HSDL2: variants seen among roughly 807,000 people sequenced by gnomAD.
HSDL2 encodes the protein hydroxysteroid dehydrogenase-like protein 2.
In HSDL2, 27 loss-of-function variants were observed where a neutral mutation model predicts 46.3. The observed-to-expected ratio is 0.58, with a 90% confidence interval of 0.43 to 0.80. The LOEUF (loss-of-function observed/expected upper bound fraction) is 0.80, where lower values mean the gene tolerates loss of function less well. Among genes scored for constraint, HSDL2 ranks in the 30% least tolerant of loss-of-function variants. The probability of loss-of-function intolerance (pLI) is 0.00; values close to 1 mark genes in which losing one functional copy is unlikely to be tolerated. For missense variants in HSDL2, 451 were observed against 502.7 expected (o/e 0.90, Z 0.98); for synonymous variants, 153 against 163.6 (o/e 0.94, Z 0.50).
chr9:112,449,545 G>A (rs1382329355), intron 8 of HSDL2, among the ~76,000 whole-genome samples: 1 of 151,834 alleles, frequency 6.6e-6, no homozygotes, highest in Non-Finnish European at 1.5e-5. Context: ...AACAACTCGA[G>A]ATATAACTTA....
chr9:112,456,096 G>C (rs974152368), intron 9 of HSDL2, among the ~76,000 whole-genome samples: 1 of 152,156 alleles, frequency 6.6e-6, no homozygotes, highest in Non-Finnish European at 1.5e-5. Context: ...GGCCTTCTCA[G>C]GAATTTTGTG....
intron 10 of HSDL2, among the ~76,000 whole-genome samples, chr9:112,463,883 ACT>A (rs1833290183): frequency 6.8e-6 from 1 of 147,804 alleles, no homozygotes; most frequent in African/African-American, 2.5e-5. Context: ...CTGGTCTCAA[ACT>A]CCTGGCCTCG....
At chr9:112,421,969 T>C (rs1832134354) in intron 6 of HSDL2, among the ~76,000 whole-genome samples, 1 of 152,102 alleles carries the variant, frequency 6.6e-6, no homozygotes, top group Non-Finnish European at 1.5e-5. Context: ...GTGAGAGAAC[T>C]TGAGAAAGAA....
rs1327575023 is a variant in HSDL2, at chr9:112,380,116, G to T, written c.-48G>T. 2 of 1,523,850 alleles carry T rather than the reference G, an allele frequency of 1.3e-6. No individual in the cohort carries two copies. The highest frequency in any genetic ancestry group is 3.9e-5 in the Admixed American group (2 of 51,304). 94.4% of individuals were successfully genotyped at this position (1,523,850 alleles called of 1,614,324 possible). On this transcript the variant is annotated 5_prime_UTR_variant, in exon 1 of 11. Coordinates refer to ENST00000398805, the MANE Select transcript of HSDL2 (RefSeq NM_032303.5). ...AGGGACGGTCCAGCTTTAGCTCTCT[G>T]CTCGCCGCCGCCGCTGTCGCCGCCA...
chr9:112,469,002 G>C (rs995002271), intron 10 of HSDL2, among the ~76,000 whole-genome samples: 1 of 152,056 alleles, frequency 6.6e-6, no homozygotes, highest in Non-Finnish European at 1.5e-5. Context: ...GGGCTGTTCT[G>C]TTCCTTCCAG....
At chr9:112,458,832 T>C (rs966536610) in intron 9 of HSDL2, among the ~76,000 whole-genome samples, 3 of 151,268 alleles carry the variant, frequency 2.0e-5, no homozygotes, top group African/African-American at 7.3e-5. Context: ...ATACAAAAAA[T>C]TAGCTGGGTG....
chr9:112,412,616 G>T (rs774356162), intron 4 of HSDL2, among the ~76,000 whole-genome samples: 1 of 152,152 alleles, frequency 6.6e-6, no homozygotes, highest in East Asian at 1.9e-4. Flanking sequence ...CATAACTATA[G>T]ACTTGACCTT....
At chr9:112,420,852 TAACTC>T (rs1315741097) in intron 6 of HSDL2, among the ~76,000 whole-genome samples, 1 of 152,252 alleles carries the variant, frequency 6.6e-6, no homozygotes, top group Non-Finnish European at 1.5e-5. Context: ...TGTTTAGAAA[TAACTC>T]AATAACTTTT....
intron 1 of HSDL2, among the ~76,000 whole-genome samples, chr9:112,382,185 T>TGGAGGC (rs564344129): frequency 5.2e-4 from 79 of 152,206 alleles, no homozygotes; most frequent in Non-Finnish European, 9.8e-4. Context: ...CGCTTGAACC[T>TGGAGGC]GGAGGCGGAG....
At chr9:112,381,433 C>T (rs1831092423) in intron 1 of HSDL2, among the ~76,000 whole-genome samples, 1 of 152,140 alleles carries the variant, frequency 6.6e-6, no homozygotes, top group South Asian at 2.1e-4. Flanking sequence ...ATGATCTCGG[C>T]TCACTGCAGC....
At chr9:112,442,003 T>C (rs1832648194) in intron 8 of HSDL2, among the ~76,000 whole-genome samples, 1 of 152,124 alleles carries the variant, frequency 6.6e-6, no homozygotes. Context: ...GGCTCATACC[T>C]GTAATCCCAG....
At position 112,441,735 on chromosome 9, in the gene HSDL2, A is replaced by T. The variant is rs1163955301; in HGVS notation, c.830A>T (p.Tyr277Phe). 1.2e-6 allele frequency: 2 copies of T among 1,612,920 alleles called. No individual in the cohort carries two copies. ...CAACCAGATTTCTTCTTAGATGAATACCCAGAAGCAGTTAGCAAGAAAGTG... is the reference window on the plus strand; with the variant it reads ...CAACCAGATTTCTTCTTAGATGAATTCCCAGAAGCAGTTAGCAAGAAAGTG... ...PLQPDFFLDE[Y>F]PEAVSKKVES... is the part of the protein sequence containing the mutation. Residue 277 changes from tyrosine to phenylalanine, a missense_variant, in exon 8 of 11, where the codon TAC becomes TTC. By Grantham distance (22) the Tyr-to-Phe change is conservative (BLOSUM62 3). Transcript: ENST00000398805.
intron 1 of HSDL2, among the ~76,000 whole-genome samples, chr9:112,403,474 C>G (rs780072944): frequency 1.3e-5 from 2 of 152,250 alleles, no homozygotes; most frequent in Non-Finnish European, 2.9e-5. Context: ...CTTATCCGTT[C>G]ATCAGCTGAT....
At chr9:112,408,479 C>T (rs1385806425) in intron 3 of HSDL2, among the ~76,000 whole-genome samples, 1 of 152,156 alleles carries the variant, frequency 6.6e-6, no homozygotes, top group East Asian at 1.9e-4. Context: ...TATAGCCATG[C>T]ATTGCTTAAT....
At chr9:112,392,794 A>T (rs1217261468) in intron 1 of HSDL2, among the ~76,000 whole-genome samples, 1 of 152,250 alleles carries the variant, frequency 6.6e-6, no homozygotes, top group Admixed American at 6.5e-5. Context: ...CACAATTATC[A>T]CAGTGGTCCT....
At chr9:112,453,887 GCA>G (rs1181338108) in intron 8 of HSDL2, 124 bp from the exon 9 acceptor site, 70 of 733,774 alleles carry the variant, frequency 9.5e-5, no homozygotes, top group Non-Finnish European at 1.2e-4. Flanking sequence ...GCCACTTAAT[GCA>G]TTTAAAGTCA....
intron 1 of HSDL2, 51 bp downstream of exon 1, chr9:112,380,231 G>T (rs894526433): frequency 1.5e-5 from 23 of 1,515,560 alleles, no homozygotes; most frequent in African/African-American, 7.1e-5. Context: ...CGAAGGGCGC[G>T]TCTCGGTGGG....
At chr9:112,401,635 T>G (rs1383425177) in intron 1 of HSDL2, among the ~76,000 whole-genome samples, 1 of 151,868 alleles carries the variant, frequency 6.6e-6, no homozygotes, top group Admixed American at 6.6e-5. Context: ...AGACTGTTGA[T>G]TTAGACTCAG....
In HSDL2 at chr9:112,444,623, A is replaced by C. The variant is rs193061736; in HGVS notation, c.865+2853A>C. On this transcript the variant is annotated intron_variant, in intron 8 of 10. Transcript: ENST00000398805. Reference sequence around the variant, plus strand: ...TGTGATGGTGCATGCCTGTAGTCCCAGCTACTTGGGAGGCTGAAGTGGGAG... The same window carrying C: ...TGTGATGGTGCATGCCTGTAGTCCCCGCTACTTGGGAGGCTGAAGTGGGAG... 2.4e-4 allele frequency among the ~76,000 whole-genome samples: 36 copies of C among 152,214 alleles called. No homozygotes were observed. In the East Asian group the frequency reaches 5.6e-3, roughly 24 times the overall value.
Sources: allele counts gnomAD v4.1 joint callset (sites outside exome capture counted in the v4.1 genomes callset), GRCh38; gene constraint gnomAD v4.1.1; transcripts MANE v1.5; gene names NCBI Gene and HGNC (gene_info 2026-07-23, HGNC 2026-07-21).